Variants in ATP13A5 observed in about 807,000 individuals in gnomAD.
ATP13A5 encodes probable cation-transporting ATPase 13A5.
ATP13A5 carries 149 observed loss-of-function variants against 150.2 expected under a neutral mutation model. That is an observed-to-expected ratio of 0.99 (90% CI 0.87 to 1.14). ATP13A5 has a LOEUF of 1.14. ATP13A5 is among the 50% of genes most tolerant of loss of function. ATP13A5 has a pLI of 0.00. For missense variants in ATP13A5, 1,383 were observed against 1,449.3 expected (o/e 0.95, Z 0.74); for synonymous variants, 497 against 522.2 (o/e 0.95, Z 0.66).
intron 26 of ATP13A5, among the ~76,000 whole-genome samples, chr3:193,288,026 C>A (rs959182244): frequency 1.3e-5 from 2 of 152,058 alleles, no homozygotes; most frequent in Non-Finnish European, 2.9e-5. Flanking sequence ...AGCAAGAGAA[C>A]TGGAATTAGA....
At chr3:193,358,712 C>G (rs1712886775) in intron 5 of ATP13A5, among the ~76,000 whole-genome samples, 1 of 152,172 alleles carries the variant, frequency 6.6e-6, no homozygotes, top group African/African-American at 2.4e-5. Flanking sequence ...AAGTTGGGCT[C>G]TTAGAGGACT....
Position 193,322,484 on chromosome 3 carries a change from A to C in ATP13A5, c.1758+7T>G. On this transcript the variant is annotated splice_region_variant and intron_variant, in intron 15 of 29. Transcript: ENST00000342358. ...AGAGCTATGTGATGTAAAGAAGGAA[A>C]TCATACCTTACTGGCTTTTGGTCCT... 1 of 1,608,164 alleles carries C rather than the reference A, an allele frequency of 6.2e-7. No individual in the cohort carries two copies.
chr3:193,323,431 G>T (rs1445308747), intron 14 of ATP13A5: 1 of 152,168 alleles, frequency 6.6e-6, no homozygotes. Context: ...TGCTTTGTTT[G>T]GGATGGATAC....
At chr3:193,376,282 G>A (rs910126921) in intron 1 of ATP13A5, among the ~76,000 whole-genome samples, 1 of 152,226 alleles carries the variant, frequency 6.6e-6, no homozygotes, top group African/African-American at 2.4e-5. Flanking sequence ...GGCAGATCCA[G>A]TGTCTGATGA....
At chr3:193,283,489 C>T (rs556656444) in intron 27 of ATP13A5, among the ~76,000 whole-genome samples, 7 of 152,138 alleles carry the variant, frequency 4.6e-5, no homozygotes, top group African/African-American at 1.4e-4. Flanking sequence ...CATGAAAATA[C>T]GTTTCTCCTC....
At chr3:193,355,660 G>C (rs1712754784) in intron 5 of ATP13A5, among the ~76,000 whole-genome samples, 1 of 152,204 alleles carries the variant, frequency 6.6e-6, no homozygotes, top group East Asian at 1.9e-4. Flanking sequence ...AGGATGTTGG[G>C]AATCAGAGAG....
chr3:193,368,059 T>C (rs193057572), intron 1 of ATP13A5, among the ~76,000 whole-genome samples: 27 of 152,190 alleles, frequency 1.8e-4, no homozygotes, highest in Admixed American at 1.6e-3. Context: ...ACTCTATGTG[T>C]AGATAATGTG....
At chr3:193,308,227 A>C (rs1230781982) in intron 21 of ATP13A5, among the ~76,000 whole-genome samples, 1 of 152,196 alleles carries the variant, frequency 6.6e-6, no homozygotes, top group Non-Finnish European at 1.5e-5. Context: ...TGGGAGGCTG[A>C]GGCAGGCGGA....
intron 17 of ATP13A5, among the ~76,000 whole-genome samples, chr3:193,315,735 T>G (rs1331085970): frequency 6.6e-6 from 1 of 152,158 alleles, no homozygotes; most frequent in Non-Finnish European, 1.5e-5. Flanking sequence ...CTTTGTTCAT[T>G]TTGCTGTGCA....
intron 21 of ATP13A5, among the ~76,000 whole-genome samples, chr3:193,308,568 A>G (rs1656658119): frequency 6.6e-6 from 1 of 152,184 alleles, no homozygotes; most frequent in African/African-American, 2.4e-5. Context: ...ACTACCCACA[A>G]TTGTTGAAAA....
At chr3:193,326,049 C>T (rs547972878) in intron 13 of ATP13A5, among the ~76,000 whole-genome samples, 4 of 152,178 alleles carry the variant, frequency 2.6e-5, no homozygotes, top group Admixed American at 6.5e-5. Flanking sequence ...TCCAGGGTAT[C>T]TTCTGCAACA....
At chr3:193,314,334 G>A (rs2108854703) in intron 18 of ATP13A5, 141 bp from the exon 19 acceptor site, 2 of 871,924 alleles carry the variant, frequency 2.3e-6, no homozygotes, top group East Asian at 2.6e-5. Flanking sequence ...CCTCTCTGCT[G>A]TAGACTGCCC....
intron 21 of ATP13A5, among the ~76,000 whole-genome samples, chr3:193,308,373 T>G (rs985016492): frequency 1.3e-5 from 2 of 152,114 alleles, no homozygotes; most frequent in Non-Finnish European, 2.9e-5. Context: ...GCAGGGGGAT[T>G]GCTTGAACCT....
At chr3:193,285,188 T>C (rs1717670257) in intron 26 of ATP13A5, 72 bp from the exon 27 acceptor site, 1 of 1,253,978 alleles carries the variant, frequency 8.0e-7, no homozygotes, top group African/African-American at 1.5e-5. Flanking sequence ...AAAAAAATAA[T>C]TTAATCACTA....
chr3:193,333,651 G>T, intron 11 of ATP13A5, 99 bp downstream of exon 11: 2 of 1,205,838 alleles, frequency 1.7e-6, no homozygotes, highest in Non-Finnish European at 2.3e-6. Flanking sequence ...ATGATTCACA[G>T]AATGATGGGA....
At chr3:193,326,675 G>A (rs917109222) in intron 13 of ATP13A5, among the ~76,000 whole-genome samples, 7 of 152,074 alleles carry the variant, frequency 4.6e-5, no homozygotes, top group South Asian at 2.1e-4. Flanking sequence ...ACCTGCCTGC[G>A]CTAGCCACCC....
At chr3:193,362,515 CA>C in intron 4 of ATP13A5, 51 bp downstream of exon 4, 1 of 1,612,984 alleles carries the variant, frequency 6.2e-7, no homozygotes, top group Non-Finnish European at 8.5e-7. Flanking sequence ...CTCAACAAAT[CA>C]GTGTTTTTCC....
chr3:193,347,115 T>G (rs935872828), intron 7 of ATP13A5, among the ~76,000 whole-genome samples: 7 of 152,208 alleles, frequency 4.6e-5, no homozygotes, highest in Non-Finnish European at 1.0e-4. Flanking sequence ...TGATATGACA[T>G]TGATTTATTT....
intron 24 of ATP13A5, 100 bp from the exon 25 acceptor site, chr3:193,299,303 C>CT (rs561282732): frequency 9.2e-5 from 76 of 829,674 alleles, no homozygotes; most frequent in East Asian, 6.0e-4. Context: ...GCAGCTGTTA[C>CT]TTTTTTTTCC....
Sources: gnomAD v4.1 joint callset for allele counts (sites outside exome capture counted in the v4.1 genomes callset) on GRCh38, gnomAD v4.1.1 for gene constraint, MANE v1.5 for transcripts, NCBI Gene and HGNC (gene_info 2026-07-23, HGNC 2026-07-21) for gene names.